Variants in RGL3 observed in about 807,000 individuals in gnomAD.
RGL3 encodes the protein ral guanine nucleotide dissociation stimulator like 3.
Under a neutral mutation model 90.6 loss-of-function variants are expected in RGL3, and 85 were observed. That is an observed-to-expected ratio of 0.94 (90% CI 0.79 to 1.12). The LOEUF (loss-of-function observed/expected upper bound fraction) is 1.12. RGL3 is among the 50% of genes most tolerant of loss of function. The pLI is 0.00. For synonymous variants in RGL3, 408 were observed against 385.5 expected, an observed-to-expected ratio of 1.06 and a Z score of -0.68; for missense variants, 1,034 against 939.2, an observed-to-expected ratio of 1.10 and a Z score of -1.32.
intron 4 of RGL3, chr19:11,416,381 T>C (rs1370830971): frequency 3.2e-6 from 2 of 618,340 alleles, no homozygotes; most frequent in Non-Finnish European, 5.7e-6. Flanking sequence ...GTATTTTTAG[T>C]AGAGACAGGG....
intron 18 of RGL3, 91 bp downstream of exon 18, chr19:11,397,153 C>T: frequency 9.5e-7 from 1 of 1,054,650 alleles, no homozygotes; most frequent in Non-Finnish European, 1.4e-6. Flanking sequence ...CCCTGTGAAC[C>T]CGGGTAACCT....
chr19:11,397,662 C>A, intron 16 of RGL3, 65 bp from the exon 17 acceptor site: 1 of 1,421,948 alleles, frequency 7.0e-7, no homozygotes, highest in Non-Finnish European at 9.3e-7. Context: ...GCTAGAAAAG[C>A]ACGAACACCC....
chr19:11,416,566 C>T, intron 4 of RGL3, 48 bp downstream of exon 4: 2 of 1,577,014 alleles, frequency 1.3e-6, no homozygotes, highest in East Asian at 2.2e-5. Flanking sequence ...AACCTTTGAC[C>T]TCTTGGATTT....
intron 5 of RGL3, among the ~76,000 whole-genome samples, chr19:11,414,154 T>C (rs1217656124): frequency 2.3e-5 from 2 of 87,204 alleles, no homozygotes; most frequent in African/African-American, 8.6e-5. Context: ...TATATATATA[T>C]ATATATATAT....
In RGL3 at chr19:11,402,548, C is replaced by T; in HGVS notation, c.1243-7G>A. ...CAGGGCCTGGGGGTGGTTTCTGCAGCCCCCAAAGCTCCAGTCACTTGGGGC... is the reference window on the plus strand; with the variant it reads ...CAGGGCCTGGGGGTGGTTTCTGCAGTCCCCAAAGCTCCAGTCACTTGGGGC... On this transcript the variant is annotated splice_polypyrimidine_tract_variant and splice_region_variant and intron_variant, in intron 10 of 18. Transcript: ENST00000380456. The T allele has an allele frequency of 1.2e-6, 2 of 1,603,782 alleles. No individual in the cohort carries two copies. Among genetic ancestry groups the T allele is most frequent in the Non-Finnish European group, 1.7e-6 (2 of 1,177,068 alleles).
intron 16 of RGL3, among the ~76,000 whole-genome samples, chr19:11,398,086 G>C (rs1376585650): frequency 1.3e-5 from 2 of 152,074 alleles, no homozygotes; most frequent in Non-Finnish European, 2.9e-5. Flanking sequence ...TGCAGAGCCT[G>C]GGACATGCAA....
At chr19:11,418,836 T>C in intron 1 of RGL3, 52 bp from the exon 2 acceptor site, 1 of 1,428,152 alleles carries the variant, frequency 7.0e-7, no homozygotes, top group Non-Finnish European at 9.4e-7. Flanking sequence ...TCCTGGGGCC[T>C]CAGCCTCCTT....
At position 11,402,114 on chromosome 19, in the gene RGL3, G is replaced by C. The variant is rs565401547; in HGVS notation, c.1381C>G (p.Arg461Gly). ...CAGCGCCTCTGCAGCTGCTGGATGCGGGCCAGGATCTCCCACTCCTGGAGG... is the reference window on the plus strand; with the variant it reads ...CAGCGCCTCTGCAGCTGCTGGATGCCGGCCAGGATCTCCCACTCCTGGAGG... ...KRRKEWEILA[R>G]IQQLQRRCQS... The change falls in exon 13 of 19, where the codon CGC (arginine) becomes GGC (glycine). Residue 461 changes from arginine (R) to glycine (G), a missense_variant. Transcript: ENST00000380456. The C allele has an allele frequency of 8.7e-6, 14 of 1,605,316 alleles. No individual in the cohort carries two copies. The highest frequency in any genetic ancestry group is 5.0e-5 in the Admixed American group (3 of 59,456).
rs768642149 is a variant in RGL3, at chr19:11,405,353, C to G, written c.1070G>C (p.Arg357Pro). Reference protein sequence around the residue: ...LSALQSNPIYRLKRSWGAVSR... With the variant: ...LSALQSNPIYPLKRSWGAVSR... ...CACTGCCCCCCAGCTGCGCTTGAGCCGGTAGATGGGGTTAGATTGCAGGGC... is the reference window on the plus strand; with the variant it reads ...CACTGCCCCCCAGCTGCGCTTGAGCGGGTAGATGGGGTTAGATTGCAGGGC... The change falls in exon 8 of 19, where the codon CGG becomes CCG. Residue 357 changes from arginine (R) to proline (P), a missense_variant. By Grantham distance (103) the Arg-to-Pro change is moderately radical. Transcript: ENST00000380456. 2.5e-6 allele frequency: 4 copies of G among 1,612,712 alleles called. No homozygotes were observed. Among genetic ancestry groups the G allele is most frequent in the African/African-American group, 1.3e-5 (1 of 74,866 alleles).
rs368090608 is a variant in RGL3, at chr19:11,418,698, G to C, written c.120C>G (p.Ser40Arg). 4.5e-6 allele frequency: 7 copies of C among 1,566,636 alleles called. No individual in the cohort carries two copies. Among genetic ancestry groups the C allele is most frequent in the African/African-American group, 4.0e-5 (3 of 74,244 alleles). ...SLRRQRSQRRSPAEGPGGSQA... is the reference protein window; with the variant it reads ...SLRRQRSQRRRPAEGPGGSQA... ...GGCTGCCCCCGGGGCCCTCCGCCGG[G>C]CTCCTGCGCTGACTGCGCTGCCGCC... The change falls in exon 2 of 19, where the codon AGC becomes AGG. Residue 40 changes from serine to arginine, a missense_variant. Ser to Arg is a moderately radical substitution (Grantham distance 110). Transcript: ENST00000380456.
At chr19:11,409,169 CA>C (rs1267799858) in intron 5 of RGL3, among the ~76,000 whole-genome samples, 1,833 of 69,448 alleles carry the variant, frequency 0.026, 17 homozygotes, top group African/African-American at 0.043. Flanking sequence ...GACTTTGTCT[CA>C]AAAAAAAAAA....
At chr19:11,414,150 T>TATATATATATATATATATATATACAC (rs1568341430) in intron 5 of RGL3, among the ~76,000 whole-genome samples, 1 of 83,772 alleles carries the variant, frequency 1.2e-5, no homozygotes, top group Non-Finnish European at 2.3e-5. Context: ...TATATATATA[T>TATATATATATATATATATATATACAC]ATATATATAT....
At chr19:11,410,958 C>T (rs776028987) in intron 5 of RGL3, among the ~76,000 whole-genome samples, 2 of 152,064 alleles carry the variant, frequency 1.3e-5, no homozygotes, top group South Asian at 2.1e-4. Flanking sequence ...TCTGTAATCC[C>T]GACACTTCGG....
At chr19:11,394,939 A>G (rs1469265529) in intron 18 of RGL3, among the ~76,000 whole-genome samples, 1 of 151,864 alleles carries the variant, frequency 6.6e-6, no homozygotes, top group Non-Finnish European at 1.5e-5. Flanking sequence ...AAAATACCAA[A>G]AAAATGAGCT....
Position 11,402,503 on chromosome 19 carries a change from G to A in RGL3, c.1281C>T (p.Phe427=). Residue 427 remains phenylalanine, a synonymous_variant, in exon 11 of 19, where the codon TTC becomes TTT. Transcript: ENST00000380456. ...TGTCCAGCATAACCAGGTCCGTAAG[G>A]AAGGTGCCAAGGTAGGGGACAGGGC... is the stretch of plus-strand genomic sequence containing the variant. ...PPGPVPYLGT[F]LTDLVMLDTA... 1 of 1,605,414 alleles carries A rather than the reference G, an allele frequency of 6.2e-7. No individual in the cohort carries two copies.
chr19:11,409,299 T>C (rs1378926180), intron 5 of RGL3, among the ~76,000 whole-genome samples: 1 of 151,806 alleles, frequency 6.6e-6, no homozygotes, highest in East Asian at 1.9e-4. Flanking sequence ...GCTAACATGG[T>C]GAAACCCCGT....
Position 11,394,270 on chromosome 19 carries a change from A to C in RGL3, c.*132T>G, listed in dbSNP as rs1240115576. 1.4e-6 allele frequency: 1 copy of C among 725,648 alleles called. No homozygotes were observed. Among genetic ancestry groups the C allele is most frequent in the East Asian group, 2.5e-5 (1 of 40,108 alleles). 45.0% of individuals were successfully genotyped at this position (725,648 alleles called of 1,614,324 possible). On this transcript the variant is annotated 3_prime_UTR_variant, in exon 19 of 19. Coordinates refer to ENST00000380456, the MANE Select transcript of RGL3 (RefSeq NM_001035223.4). ...AGAGTCAGAAAAAGAGATGGGGTCC[A>C]ATGGGCTACAGTTGGGTGGTGGTCC... is the stretch of plus-strand genomic sequence containing the variant.
At chr19:11,417,176 G>C in intron 2 of RGL3, 117 bp from the exon 3 acceptor site, 2 of 798,392 alleles carry the variant, frequency 2.5e-6, no homozygotes, top group Admixed American at 3.1e-5. Context: ...TTTTGAGACA[G>C]AGTCTCACTC....
At position 11,397,182 on chromosome 19, in the gene RGL3, G is replaced by A. The variant is rs566191778; in HGVS notation, c.2014+62C>T. 50 of 1,403,082 alleles carry A rather than the reference G, an allele frequency of 3.6e-5. No homozygotes were observed. In the African/African-American group the frequency reaches 5.0e-4, roughly 14 times the overall value. 86.9% of individuals were successfully genotyped at this position (1,403,082 alleles called of 1,614,324 possible). A position where few individuals can be genotyped will look rare whatever the true frequency, so the allele number is the denominator to read the frequency against. ...GTAACCTTGGGCTCCATCCTTGGGC[G>A]TGGTCAGTCTGCTCGCCTCCCCGCT... On this transcript the variant is annotated intron_variant, in intron 18 of 18. Transcript: ENST00000380456.
Sources: allele counts gnomAD v4.1 joint callset (sites outside exome capture counted in the v4.1 genomes callset), GRCh38; gene constraint gnomAD v4.1.1; transcripts MANE v1.5; gene names NCBI Gene and HGNC (gene_info 2026-07-23, HGNC 2026-07-21).